AGPS: variants seen among roughly 807,000 people sequenced by gnomAD.
The protein encoded by AGPS is alkyldihydroxyacetonephosphate synthase, peroxisomal.
Under a neutral mutation model 90.7 loss-of-function variants are expected in AGPS, and 26 were observed. The ratio of observed to expected loss-of-function variants is 0.29; its 90% CI spans 0.21 to 0.40. The LOEUF is 0.40. AGPS is among the 10% of genes least tolerant of loss of function. The pLI, the probability that AGPS is intolerant of heterozygous loss-of-function variation, is 1.00. For missense variants in AGPS, 540 were observed against 816.1 expected (o/e 0.66, Z 4.12); for synonymous variants, 294 against 285.3 (o/e 1.03, Z -0.31).
intron 11 of AGPS, 34 bp downstream of exon 11, chr2:177,482,220 C>A: frequency 9.0e-7 from 1 of 1,116,324 alleles, no homozygotes; most frequent in Non-Finnish European, 1.3e-6. Flanking sequence ...TACATACATA[C>A]ATATATGTTT....
intron 9 of AGPS, among the ~76,000 whole-genome samples, chr2:177,465,752 A>G (rs1687426390): frequency 6.6e-6 from 1 of 152,220 alleles, no homozygotes; most frequent in Admixed American, 6.5e-5. Flanking sequence ...CAGAGCCCCA[A>G]AGAGTGAGCC....
intron 8 of AGPS, among the ~76,000 whole-genome samples, chr2:177,448,503 C>T (rs988684128): frequency 6.6e-6 from 1 of 152,098 alleles, no homozygotes; most frequent in African/African-American, 2.4e-5. Context: ...TTTCAAACTC[C>T]GCATTTTAAA....
At chr2:177,459,564 A>C (rs1217588104) in intron 8 of AGPS, among the ~76,000 whole-genome samples, 3 of 152,386 alleles carry the variant, frequency 2.0e-5, no homozygotes, top group Non-Finnish European at 4.4e-5. Flanking sequence ...GACATATGAA[A>C]AAATGCTCAT....
intron 5 of AGPS, among the ~76,000 whole-genome samples, chr2:177,440,680 G>A (rs561141330): frequency 6.6e-6 from 1 of 152,234 alleles, no homozygotes; most frequent in East Asian, 1.9e-4. Flanking sequence ...AGTGTTGATT[G>A]CTTGGTTTTG....
In AGPS at chr2:177,445,622, G is replaced by A; in HGVS notation, c.866G>A (p.Arg289Lys). 6.3e-7 allele frequency: 1 copy of A among 1,598,452 alleles called. No homozygotes were observed. The highest frequency in any genetic ancestry group is 1.7e-5 in the Admixed American group (1 of 58,852). ...GGCATAACAGGACAAGAGTTGGAAA[G>A]ACAGGTATGTTATTTATTTTTCTTA... is the stretch of plus-strand genomic sequence containing the variant. ...EAGITGQELE[R>K]QLKESGYCTG... Residue 289 changes from arginine to lysine, a missense_variant, in exon 8 of 20, where the codon AGA becomes AAA. Around this residue, in one of 2 missense-constraint regions of AGPS, gnomAD observed 405 missense variants for 692.1 expected, o/e 0.59. Coordinates refer to ENST00000264167, the MANE Select transcript of AGPS (RefSeq NM_003659.4).
chr2:177,524,719 A>C (rs1436545108), intron 19 of AGPS, among the ~76,000 whole-genome samples: 1 of 152,026 alleles, frequency 6.6e-6, no homozygotes, highest in South Asian at 2.1e-4. Flanking sequence ...TTGTCTTCCT[A>C]CTGCAAAGTG....
rs2293475 is a variant in AGPS, at chr2:177,543,169, T to C, written c.*4974T>C. On this transcript the variant is annotated 3_prime_UTR_variant, in exon 20 of 20. Transcript: ENST00000264167. ...AAGTTGTGGCTTGGTGGGTTTGGCA[T>C]TGAGCCTCAAGACACTCACTACATT... is the stretch of plus-strand genomic sequence containing the variant. 127,938 of 152,104 alleles carry C rather than the reference T, an allele frequency of 0.84. 54,008 individuals carry two copies. Among genetic ancestry groups the C allele is most frequent in the East Asian group, 0.95 (4,887 of 5,154 alleles). 9.4% of individuals were successfully genotyped at this position (152,104 alleles called of 1,614,324 possible).
chr2:177,536,110 G>A (rs906294819), intron 19 of AGPS, among the ~76,000 whole-genome samples: 4 of 152,112 alleles, frequency 2.6e-5, no homozygotes, highest in African/African-American at 4.8e-5. Context: ...CTTCTCAGAC[G>A]ATGGTTCAGT....
rs986478049 is a variant in AGPS at position 177,481,926 on chromosome 2, G to A, written c.1106-133G>A. 39 of 823,954 alleles carry A rather than the reference G, an allele frequency of 4.7e-5. 1 individual carries two copies. In the Admixed American group the frequency reaches 1.1e-3, roughly 23 times the overall value. The allele number at this position is 823,954 out of a possible 1,614,324, so 51.0% of individuals were successfully genotyped here. A position where few individuals can be genotyped will look rare whatever the true frequency, so the allele number is the denominator to read the frequency against. On this transcript the variant is annotated intron_variant, in intron 10 of 19. Transcript: ENST00000264167. The stretch of plus-strand genomic sequence containing the variant: ...AATTTTTTCTAGAATGACTTGAGTA[G>A]CCATTATTCCCCAGGTAGACTTGAT...
chr2:177,492,029 G>T (rs1274646789), intron 11 of AGPS, among the ~76,000 whole-genome samples: 1 of 151,950 alleles, frequency 6.6e-6, no homozygotes, highest in Non-Finnish European at 1.5e-5. Flanking sequence ...AAAGTGATTT[G>T]CCCACCTCAG....
At chr2:177,475,188 T>C (rs1687744960) in intron 10 of AGPS, among the ~76,000 whole-genome samples, 1 of 152,210 alleles carries the variant, frequency 6.6e-6, no homozygotes, top group Admixed American at 6.5e-5. Flanking sequence ...AATTCCAAGA[T>C]ACCAGGAATT....
At chr2:177,454,409 A>G (rs1687051536) in intron 8 of AGPS, among the ~76,000 whole-genome samples, 1 of 151,672 alleles carries the variant, frequency 6.6e-6, no homozygotes, top group Admixed American at 6.6e-5. Flanking sequence ...GCCTTTTTAT[A>G]TCTTGCATGT....
At chr2:177,507,911 G>T (rs1002818659) in intron 15 of AGPS, 59 bp from the exon 16 acceptor site, 8 of 1,132,680 alleles carry the variant, frequency 7.1e-6, no homozygotes, top group Non-Finnish European at 9.4e-6. Context: ...GACTAACAGT[G>T]TTATTGATTC....
At chr2:177,407,821 G>T (rs904988815) in intron 1 of AGPS, among the ~76,000 whole-genome samples, 2 of 149,558 alleles carry the variant, frequency 1.3e-5, no homozygotes, top group African/African-American at 4.9e-5. Flanking sequence ...AAAAAAAGAG[G>T]TGGGGTTTTG....
intron 1 of AGPS, among the ~76,000 whole-genome samples, chr2:177,404,952 A>C (rs918310401): frequency 6.6e-6 from 1 of 152,198 alleles, no homozygotes; most frequent in African/African-American, 2.4e-5. Flanking sequence ...TATTTGTTAT[A>C]AGTATTAATC....
chr2:177,492,421 A>G (rs1688290388), intron 11 of AGPS, among the ~76,000 whole-genome samples: 1 of 152,186 alleles, frequency 6.6e-6, no homozygotes, highest in South Asian at 2.1e-4. Flanking sequence ...CGTGAAGAAA[A>G]CTGATTTTCC....
chr2:177,498,447 TC>T (rs1688471732), intron 13 of AGPS, among the ~76,000 whole-genome samples: 1 of 151,578 alleles, frequency 6.6e-6, no homozygotes, highest in Admixed American at 6.6e-5. Context: ...TAATTTTTTT[TC>T]CCAGTCAGGC....
chr2:177,428,952 A>C (rs1432630602), intron 2 of AGPS, among the ~76,000 whole-genome samples: 1 of 152,120 alleles, frequency 6.6e-6, no homozygotes, highest in Non-Finnish European at 1.5e-5. Flanking sequence ...CGGGTACCCC[A>C]ATCAGTCATA....
intron 2 of AGPS, among the ~76,000 whole-genome samples, chr2:177,427,144 C>T (rs1686107168): frequency 6.6e-6 from 1 of 152,080 alleles, no homozygotes; most frequent in Admixed American, 6.6e-5. Context: ...AGTTCATGTG[C>T]ATAGAGATGT....
Sources: allele counts gnomAD v4.1 joint callset (sites outside exome capture counted in the v4.1 genomes callset), GRCh38; gene constraint gnomAD v4.1.1; regional missense constraint gnomAD v4.1.1; transcripts MANE v1.5; gene names NCBI Gene and HGNC (gene_info 2026-07-23, HGNC 2026-07-21).